The following PCDHGA10 variants were observed in gnomAD, a reference collection of about 807,000 sequenced individuals.
The protein encoded by PCDHGA10 is protocadherin gamma-A10.
In PCDHGA10, 42 loss-of-function variants were observed where a neutral mutation model predicts 59.5. The observed-to-expected ratio is 0.71, with a 90% confidence interval of 0.55 to 0.91. The LOEUF (loss-of-function observed/expected upper bound fraction) is 0.91, where lower values mean the gene tolerates loss of function less well. PCDHGA10 is among the 40% of genes least tolerant of loss of function. The probability of loss-of-function intolerance (pLI) is 0.00; values close to 1 mark genes in which losing one functional copy is unlikely to be tolerated. For synonymous variants in PCDHGA10, 511 were observed against 517.2 expected, an observed-to-expected ratio of 0.99 and a Z score of 0.16; for missense variants, 1,111 against 1,198.2, an observed-to-expected ratio of 0.93 and a Z score of 1.07.
At chr5:141,478,733 T>C (rs1562072874) in intron 1 of PCDHGA10, 8 of 1,537,128 alleles carry the variant, frequency 5.2e-6, no homozygotes, top group Non-Finnish European at 7.0e-6. Context: ...AGAGTGTGGT[T>C]TGTGGTCCCA....
chr5:141,469,868 C>T (rs749624047), intron 1 of PCDHGA10, among the ~76,000 whole-genome samples: 6 of 152,228 alleles, frequency 3.9e-5, no homozygotes, highest in Non-Finnish European at 7.3e-5. Flanking sequence ...CAATGGCTCA[C>T]GCCTGTAATC....
At chr5:141,427,327 C>T (rs2097016376) in intron 1 of PCDHGA10, 1 of 457,028 alleles carries the variant, frequency 2.2e-6, no homozygotes, top group African/African-American at 2.0e-5. Flanking sequence ...GTGGTTTTTA[C>T]TTCAGTGTCC....
Position 141,476,114 on chromosome 5 carries a change from G to A in PCDHGA10, c.2437-18693G>A. Reference sequence around the variant, plus strand: ...CCGCTGAGAGGAACTGCTTTTGAGTGAGATGGTCCCAGAGGCCTGGAGGAG... The same window carrying A: ...CCGCTGAGAGGAACTGCTTTTGAGTAAGATGGTCCCAGAGGCCTGGAGGAG... On this transcript the variant is annotated intron_variant, in intron 1 of 3. Coordinates refer to ENST00000398610, the MANE Select transcript of PCDHGA10 (RefSeq NM_018913.3). The surrounding 1 kb of genome is among the most constrained non-coding windows in gnomAD (Gnocchi z 7.6). 6.3e-7 allele frequency: 1 copy of A among 1,592,296 alleles called. No individual in the cohort carries two copies. The highest frequency in any genetic ancestry group is 8.5e-7 in the Non-Finnish European group (1 of 1,171,536).
At position 141,431,906 on chromosome 5, in the gene PCDHGA10, A is replaced by G; in HGVS notation, c.2436+16295A>G. 1 of 1,613,868 alleles carries G rather than the reference A, an allele frequency of 6.2e-7. No individual in the cohort carries two copies. Among genetic ancestry groups the G allele is most frequent in the Non-Finnish European group, 8.5e-7 (1 of 1,179,692 alleles). On this transcript the variant is annotated intron_variant, in intron 1 of 3. Transcript: ENST00000398610. This position sits in a 1 kb window ranked among gnomAD's most constrained non-coding sequence, Gnocchi z 4.8. ...AGATTCTGAGGAAAACGGACAGGTG[A>G]TCTGTTTCATCCAAGGAAATCTGCC...
chr5:141,507,754 C>T (rs1488474557), intron 3 of PCDHGA10, among the ~76,000 whole-genome samples: 7 of 152,242 alleles, frequency 4.6e-5, no homozygotes, highest in Admixed American at 2.0e-4. Flanking sequence ...GTCAAGGCCT[C>T]CCACCTTTGG....
At chr5:141,433,397 A>G (rs189987785) in intron 1 of PCDHGA10, among the ~76,000 whole-genome samples, 270 of 150,524 alleles carry the variant, frequency 1.8e-3, no homozygotes, top group Non-Finnish European at 3.1e-3. Context: ...CTATCTATCT[A>G]TCTATCTATT....
In PCDHGA10 at chr5:141,486,872, C is replaced by T. The variant is rs1320632059; in HGVS notation, c.2437-7935C>T. On this transcript the variant is annotated intron_variant, in intron 1 of 3. Transcript: ENST00000398610. The surrounding 1 kb of genome is among the most constrained non-coding windows in gnomAD (Gnocchi z 5.0). ...CAATGACAATGCTCCAGCTGTGCTC[C>T]GTCCTCGGGCCCGGCCTGGTTCCTT... The T allele has an allele frequency of 3.7e-6, 6 of 1,614,232 alleles. No individual in the cohort carries two copies. Among genetic ancestry groups the T allele is most frequent in the African/African-American group, 1.3e-5 (1 of 75,070 alleles).
At chr5:141,422,936 C>A (rs1428873210) in intron 1 of PCDHGA10, 2 of 1,614,260 alleles carry the variant, frequency 1.2e-6, no homozygotes, top group East Asian at 4.5e-5. Flanking sequence ...GCCCTCCCCA[C>A]AGACGGCTCC....
At chr5:141,444,358 A>T (rs2098433774) in intron 1 of PCDHGA10, among the ~76,000 whole-genome samples, 1 of 151,436 alleles carries the variant, frequency 6.6e-6, no homozygotes, top group Non-Finnish European at 1.5e-5. Context: ...TTTAGTAGAG[A>T]CGGGGTTTCT....
intron 1 of PCDHGA10, among the ~76,000 whole-genome samples, chr5:141,455,830 C>T (rs928219545): frequency 2.0e-5 from 3 of 151,170 alleles, no homozygotes; most frequent in African/African-American, 7.3e-5. Flanking sequence ...GACCCCTTTT[C>T]CTGTCTATCT....
At chr5:141,472,359 G>T (rs2099278248) in intron 1 of PCDHGA10, among the ~76,000 whole-genome samples, 1 of 151,944 alleles carries the variant, frequency 6.6e-6, no homozygotes, top group Admixed American at 6.6e-5. Flanking sequence ...GGCTAACACG[G>T]TGAAACCCCG....
chr5:141,418,294 C>G, intron 1 of PCDHGA10: 1 of 1,613,988 alleles, frequency 6.2e-7, no homozygotes. Flanking sequence ...TCAGTGAATC[C>G]GTCAGCCTGG....
chr5:141,422,907 G>C (rs1330364637), intron 1 of PCDHGA10: 4 of 1,614,078 alleles, frequency 2.5e-6, no homozygotes, highest in Non-Finnish European at 3.4e-6. Flanking sequence ...ACGACAATGC[G>C]CCCGAGATCC....
chr5:141,511,182 C>A lies in PCDHGA10; in HGVS notation c.*9C>A. ...AGAAGGAGAAGAAGTAACATGGAGG[C>A]CAGGCCAAGAGCCACAGGGCGGCCT... is the stretch of plus-strand genomic sequence containing the variant. On this transcript the variant is annotated 3_prime_UTR_variant, in exon 4 of 4. Transcript: ENST00000398610. 6.2e-7 allele frequency: 1 copy of A among 1,614,022 alleles called. No homozygotes were observed. Among genetic ancestry groups the A allele is most frequent in the Non-Finnish European group, 8.5e-7 (1 of 1,179,946 alleles).
chr5:141,423,233 TC>T, intron 1 of PCDHGA10: 1 of 1,613,860 alleles, frequency 6.2e-7, no homozygotes, highest in Non-Finnish European at 8.5e-7. Flanking sequence ...GCCGACAGCA[TC>T]CCCGAAGTCC....
In PCDHGA10 at chr5:141,432,645, C is replaced by T. The variant is rs758701539; in HGVS notation, c.2436+17034C>T. On this transcript the variant is annotated intron_variant, in intron 1 of 3. Coordinates refer to ENST00000398610, the MANE Select transcript of PCDHGA10 (RefSeq NM_018913.3). The surrounding 1 kb of genome is among the most constrained non-coding windows in gnomAD (Gnocchi z 6.0). Reference sequence around the variant, plus strand: ...CTGCACACGGGCGAGGTGCGCACGGCGCGAGCCCTGCTGGACAGAGACGCG... The same window carrying T: ...CTGCACACGGGCGAGGTGCGCACGGTGCGAGCCCTGCTGGACAGAGACGCG... 1 of 1,613,746 alleles carries T rather than the reference C, an allele frequency of 6.2e-7. No homozygotes were observed. Among genetic ancestry groups the T allele is most frequent in the Admixed American group, 1.7e-5 (1 of 60,006 alleles).
chr5:141,438,617 TATATATATATATATATATACAC>T (rs1342425883), intron 1 of PCDHGA10, among the ~76,000 whole-genome samples: 18 of 37,162 alleles, frequency 4.8e-4, no homozygotes, highest in Admixed American at 2.0e-3. Flanking sequence ...TATATATATA[TATATATATATATATATATACAC>T]ACACACACAC....
In PCDHGA10 at chr5:141,491,198, A is replaced by T. The variant is rs1344758185; in HGVS notation, c.2437-3609A>T. ...GTGGTCCTGGTGAGGGACAATGGTG[A>T]CCCTTCACTCTCCTCCACAGCCACA... On this transcript the variant is annotated intron_variant, in intron 1 of 3. Coordinates refer to ENST00000398610, the MANE Select transcript of PCDHGA10 (RefSeq NM_018913.3). This position sits in a 1 kb window ranked among gnomAD's most constrained non-coding sequence, Gnocchi z 6.9. 1.2e-6 allele frequency: 2 copies of T among 1,613,912 alleles called. No individual in the cohort carries two copies. The highest frequency in any genetic ancestry group is 1.3e-5 in the African/African-American group (1 of 74,866).
At chr5:141,420,965 TA>T (rs1468739825) in intron 1 of PCDHGA10, 6 of 433,892 alleles carry the variant, frequency 1.4e-5, no homozygotes, top group African/African-American at 1.0e-4. Flanking sequence ...GTCGTTGCAA[TA>T]ATAAGAATGG....
Sources: allele counts gnomAD v4.1 joint callset (sites outside exome capture counted in the v4.1 genomes callset), GRCh38; gene constraint gnomAD v4.1.1; non-coding constraint Gnocchi (gnomAD v3.1); transcripts MANE v1.5; gene names NCBI Gene and HGNC (gene_info 2026-07-23, HGNC 2026-07-21).